The following FNBP4 variants were observed in gnomAD, a reference collection of about 807,000 sequenced individuals.
FNBP4 encodes the protein formin-binding protein 4.
In FNBP4, 34 loss-of-function variants were observed where a neutral mutation model predicts 119.3. The ratio of observed to expected loss-of-function variants is 0.28; its 90% CI spans 0.22 to 0.38. The LOEUF (loss-of-function observed/expected upper bound fraction) is 0.38. Among genes scored for constraint, FNBP4 ranks in the 10% least tolerant of loss-of-function variants. FNBP4 has a pLI of 1.00. For synonymous variants in FNBP4, 462 were observed against 430.6 expected (o/e 1.07, Z -0.90); for missense variants, 1,112 against 1,228.9 (o/e 0.90, Z 1.42).
chr11:47,741,214 G>C (rs2097581528), intron 8 of FNBP4, among the ~76,000 whole-genome samples: 1 of 151,472 alleles, frequency 6.6e-6, no homozygotes, highest in Non-Finnish European at 1.5e-5. Flanking sequence ...CTGTCACTCA[G>C]GATGGACTGT....
chr11:47,757,208 T>C (rs1178001565), intron 2 of FNBP4, among the ~76,000 whole-genome samples: 1 of 152,078 alleles, frequency 6.6e-6, no homozygotes, highest in Non-Finnish European at 1.5e-5. Context: ...CCAGCATATG[T>C]AGGTAAGTTC....
chr11:47,717,901 T>C (rs2097551426), intron 16 of FNBP4, among the ~76,000 whole-genome samples: 2 of 150,744 alleles, frequency 1.3e-5, no homozygotes, highest in African/African-American at 4.9e-5. Context: ...TACAGGCATG[T>C]GCAACCATGC....
rs927651082 is a variant in FNBP4 at position 47,732,086 on chromosome 11, C to A, written c.1820+451G>T. 3.0e-6 allele frequency: 3 copies of A among 993,062 alleles called. No homozygotes were observed. In the Admixed American group the frequency reaches 1.8e-4, roughly 60 times the overall value. 61.5% of individuals were successfully genotyped at this position (993,062 alleles called of 1,614,324 possible). On this transcript the variant is annotated intron_variant, in intron 11 of 16. Transcript: ENST00000263773. This position sits in a 1 kb window ranked among gnomAD's most constrained non-coding sequence, Gnocchi z 4.2. ...ATAACGAAAAAAAAATCAAGAAAAG[C>A]CAAATATATAAAGAAATGTTTTCAT... is the stretch of plus-strand genomic sequence containing the variant.
rs2097557529 is a variant in FNBP4 at position 47,723,030 on chromosome 11, T to C, written c.2751A>G (p.Pro917=). ...PPPPPPPPPP[P]PAPKMPPPEK... is the part of the protein sequence containing the mutation. ...CAGGTGGTGGCATTTTGGGAGCTGGTGGTGGTGGAGGAGGAGGAGGAGGAG... is the reference window on the plus strand; with the variant it reads ...CAGGTGGTGGCATTTTGGGAGCTGGCGGTGGTGGAGGAGGAGGAGGAGGAG... The change falls in exon 15 of 17, where the codon CCA becomes CCG. Residue 917 remains proline, a synonymous_variant. Coordinates refer to ENST00000263773, the MANE Select transcript of FNBP4 (RefSeq NM_015308.5). The C allele has an allele frequency of 6.4e-7, 1 of 1,572,920 alleles. No homozygotes were observed. Among genetic ancestry groups the C allele is most frequent in the East Asian group, 2.3e-5 (1 of 43,050 alleles).
At chr11:47,737,761 T>G (rs910237269) in intron 8 of FNBP4, among the ~76,000 whole-genome samples, 5 of 151,708 alleles carry the variant, frequency 3.3e-5, no homozygotes, top group Admixed American at 2.0e-4. Context: ...TTTTTTTTTT[T>G]CTGAGATGGA....
At chr11:47,746,016 T>C (rs1288064976) in intron 7 of FNBP4, 40 bp downstream of exon 7, 2 of 1,513,414 alleles carry the variant, frequency 1.3e-6, no homozygotes, top group Non-Finnish European at 1.8e-6. Context: ...AGAGTAGTAC[T>C]GAGGAAAAAA....
Position 47,746,220 on chromosome 11 carries a change from T to C in FNBP4, c.1081A>G (p.Thr361Ala), listed in dbSNP as rs1473739594. ...ACTATTGTTGTTGCTTCTTCTACTG[T>C]TGTACTTGTTTCTTTTACTTCTGAA... ...PVSEVKETSTTVEEATTIVKP... is the reference protein window; with the variant it reads ...PVSEVKETSTAVEEATTIVKP... Residue 361 changes from threonine to alanine, a missense_variant, in exon 7 of 17, where the codon ACA (threonine) becomes GCA (alanine). Transcript: ENST00000263773. 6 of 1,614,056 alleles carry C rather than the reference T, an allele frequency of 3.7e-6. No homozygotes were observed. The highest frequency in any genetic ancestry group is 1.7e-5 in the Admixed American group (1 of 60,000).
rs2135315324 is a variant in FNBP4, at chr11:47,767,324, C to T, written c.-36G>A. 6.9e-6 allele frequency: 10 copies of T among 1,442,606 alleles called. No individual in the cohort carries two copies. The highest frequency in any genetic ancestry group is 9.1e-6 in the Non-Finnish European group (10 of 1,104,048). The allele number at this position is 1,442,606 out of a possible 1,614,324, so 89.4% of individuals were successfully genotyped here. A position where few individuals can be genotyped will look rare whatever the true frequency, so the allele number is the denominator to read the frequency against. On this transcript the variant is annotated 5_prime_UTR_variant, in exon 1 of 17. Coordinates refer to ENST00000263773, the MANE Select transcript of FNBP4 (RefSeq NM_015308.5). ...AGCGCGAGCAGAGAGCGTCGGGCGG[C>T]CGAGAGGGGCGGGCACTGGAGGCTG...
intron 8 of FNBP4, among the ~76,000 whole-genome samples, chr11:47,741,057 C>CG (rs1017386275): frequency 1.1e-4 from 17 of 151,264 alleles, no homozygotes; most frequent in African/African-American, 3.4e-4. Context: ...TTGGTAGAGA[C>CG]GGGGTCTCAC....
At chr11:47,736,835 T>C (rs1171445932) in intron 8 of FNBP4, 95 bp from the exon 9 acceptor site, 2 of 1,114,718 alleles carry the variant, frequency 1.8e-6, no homozygotes, top group Non-Finnish European at 2.6e-6. Context: ...AAAAGATTAT[T>C]AGTTCTTTCT....
chr11:47,745,694 G>C (rs1264441425), intron 7 of FNBP4, among the ~76,000 whole-genome samples: 1 of 151,984 alleles, frequency 6.6e-6, no homozygotes, highest in East Asian at 1.9e-4. Context: ...AAACTTGCTG[G>C]TTTGAGGCTC....
intron 7 of FNBP4, among the ~76,000 whole-genome samples, chr11:47,744,444 A>G (rs191958224): frequency 1.3e-5 from 2 of 151,700 alleles, no homozygotes. Context: ...TTTTTTTTCT[A>G]GTAAGAGATG....
At chr11:47,755,565 A>G (rs1387247714) in intron 2 of FNBP4, among the ~76,000 whole-genome samples, 1 of 151,766 alleles carries the variant, frequency 6.6e-6, no homozygotes, top group Non-Finnish European at 1.5e-5. Flanking sequence ...CAGGAAGATC[A>G]TTTGAGCCCA....
rs149797605 is a variant in FNBP4 at position 47,733,413 on chromosome 11, G to A, written c.1686+612C>T. Among the ~76,000 whole-genome samples the A allele has an allele frequency of 1.2e-4, 18 of 151,762 alleles. 1 individual carries two copies. The East Asian group carries it at 3.5e-3, about 29-fold the overall frequency. On this transcript the variant is annotated intron_variant, in intron 10 of 16. Coordinates refer to ENST00000263773, the MANE Select transcript of FNBP4 (RefSeq NM_015308.5). ...GAGTACAGTGGAGCAATCTCTGCTC[G>A]CAACCTTCACCTCCTGGGTTCAAGC...
Position 47,734,087 on chromosome 11 carries a change from C to G in FNBP4, c.1624G>C (p.Glu542Gln). Residue 542 changes from glutamate to glutamine, a missense_variant, in exon 10 of 17, where the codon GAG (glutamate) becomes CAG (glutamine). By Grantham distance (29) the Glu-to-Gln change is conservative. Around this residue, in one of 2 missense-constraint regions of FNBP4, gnomAD observed 826 missense variants for 988.8 expected, o/e 0.84. Coordinates refer to ENST00000263773, the MANE Select transcript of FNBP4 (RefSeq NM_015308.5). The stretch of plus-strand genomic sequence containing the variant: ...GATTGTCTATTAATGCCTAGAAACT[C>G]GAATTTACTTGTCAGGGTATTTGCC... ...ELANTLTSKF[E>Q]FLGINRQSIS... 1.3e-6 allele frequency: 2 copies of G among 1,596,914 alleles called. No homozygotes were observed. The highest frequency in any genetic ancestry group is 1.7e-6 in the Non-Finnish European group (2 of 1,176,132).
At chr11:47,751,943 C>T (rs1416777382) in intron 4 of FNBP4, among the ~76,000 whole-genome samples, 1 of 150,372 alleles carries the variant, frequency 6.7e-6, no homozygotes, top group Non-Finnish European at 1.5e-5. Context: ...AGCAAAACTC[C>T]ACCTCTAAAT....
intron 12 of FNBP4, chr11:47,726,816 C>T (rs2097561586): frequency 6.6e-6 from 1 of 152,188 alleles, no homozygotes; most frequent in African/African-American, 2.4e-5. Context: ...AAGGATTAAA[C>T]TCCCTTCTAT....
intron 6 of FNBP4, among the ~76,000 whole-genome samples, chr11:47,747,088 A>G (rs2097591946): frequency 6.6e-6 from 1 of 151,424 alleles, no homozygotes; most frequent in Non-Finnish European, 1.5e-5. Context: ...CAGGAGTGCA[A>G]TTGCGTGATC....
intron 8 of FNBP4, among the ~76,000 whole-genome samples, chr11:47,737,335 A>G (rs959048225): frequency 1.3e-5 from 2 of 152,222 alleles, no homozygotes; most frequent in African/African-American, 4.8e-5. Flanking sequence ...CTTCTCTTCC[A>G]GAATACCACT....
Sources: gnomAD v4.1 joint callset for allele counts (sites outside exome capture counted in the v4.1 genomes callset) on GRCh38, gnomAD v4.1.1 for gene constraint, gnomAD v4.1.1 regional missense constraint, Gnocchi (gnomAD v3.1) non-coding constraint, MANE v1.5 for transcripts, NCBI Gene and HGNC (gene_info 2026-07-23, HGNC 2026-07-21) for gene names.